Variants in HOMER1 observed in about 807,000 individuals in gnomAD.
The protein encoded by HOMER1 is homer scaffold protein 1.
A neutral mutation model predicts 48.9 loss-of-function variants in HOMER1; 3 were observed. That is an observed-to-expected ratio of 0.06 (90% CI 0.03 to 0.16). The LOEUF is 0.16. Ranked by LOEUF, HOMER1 falls within the 10% of genes least tolerant of loss-of-function variation. HOMER1 has a pLI of 1.00. For synonymous variants in HOMER1, 134 were observed against 146.4 expected (o/e 0.92, Z 0.61); for missense variants, 247 against 411.4 (o/e 0.60, Z 3.46).
intron 1 of HOMER1, chr5:79,510,623 G>A: frequency 2.2e-6 from 2 of 898,402 alleles, no homozygotes; most frequent in Non-Finnish European, 1.8e-6. Flanking sequence ...CAGTGCCAAG[G>A]CCATGAGTGC....
intron 5 of HOMER1, among the ~76,000 whole-genome samples, chr5:79,428,555 A>G (rs2112259681): frequency 6.6e-6 from 1 of 152,254 alleles, no homozygotes; most frequent in Non-Finnish European, 1.5e-5. Context: ...GGAACCCACT[A>G]AAAAATGATT....
chr5:79,468,140 GC>G (rs1357813194), intron 1 of HOMER1, among the ~76,000 whole-genome samples: 1 of 152,162 alleles, frequency 6.6e-6, no homozygotes, highest in Non-Finnish European at 1.5e-5. Context: ...CAGTATGGTA[GC>G]CACTAGCCAC....
chr5:79,505,321 G>A lies in HOMER1; in HGVS notation c.5+7449C>T, dbSNP rs543555540. Among the ~76,000 whole-genome samples the A allele has an allele frequency of 1.1e-3, 169 of 152,214 alleles. 2 individuals carry two copies. The highest frequency in any genetic ancestry group is 2.4e-4 in the Non-Finnish European group (16 of 68,014). On this transcript the variant is annotated intron_variant, in intron 1 of 8. Transcript: ENST00000334082. ...ACAAACCATTCTATGGAAAGGGGGG[G>A]AATCATGGACATTCTCCTCTACAGG...
chr5:79,509,129 A>G (rs1752862443), intron 1 of HOMER1, among the ~76,000 whole-genome samples: 1 of 152,202 alleles, frequency 6.6e-6, no homozygotes, highest in Admixed American at 6.5e-5. Flanking sequence ...ATCTTTCAGC[A>G]AAGAGACTCA....
rs114898822 is a variant in HOMER1 at position 79,471,152 on chromosome 5, T to C, written c.6-14134A>G. On this transcript the variant is annotated intron_variant, in intron 1 of 8. Coordinates refer to ENST00000334082, the MANE Select transcript of HOMER1 (RefSeq NM_004272.5). The stretch of plus-strand genomic sequence containing the variant: ...TCTGTATATCTGGAACATTCAATAA[T>C]ATATAATTTTAAAATAATAAAACAT... Among the ~76,000 whole-genome samples, 1,035 of 152,254 alleles carry C rather than the reference T, an allele frequency of 6.8e-3. 9 individuals are homozygous for C. The highest frequency in any genetic ancestry group is 0.024 in the African/African-American group (981 of 41,548).
chr5:79,416,866 A>G (rs1299462554), intron 5 of HOMER1, among the ~76,000 whole-genome samples: 1 of 152,210 alleles, frequency 6.6e-6, no homozygotes, highest in African/African-American at 2.4e-5. Context: ...TGTGGATACT[A>G]ACTTCTTGCT....
At chr5:79,493,504 A>G (rs1296661668) in intron 1 of HOMER1, among the ~76,000 whole-genome samples, 2 of 152,226 alleles carry the variant, frequency 1.3e-5, no homozygotes, top group South Asian at 2.1e-4. Flanking sequence ...CGCCTGACAC[A>G]TAACAGGTAA....
At chr5:79,484,624 T>G (rs187681995) in intron 1 of HOMER1, among the ~76,000 whole-genome samples, 1 of 152,164 alleles carries the variant, frequency 6.6e-6, no homozygotes, top group East Asian at 1.9e-4. Context: ...ACCTATATGA[T>G]GCTTATAAGA....
chr5:79,496,899 T>C (rs1322437231), intron 1 of HOMER1, among the ~76,000 whole-genome samples: 1 of 151,572 alleles, frequency 6.6e-6, no homozygotes, highest in Non-Finnish European at 1.5e-5. Flanking sequence ...ACCCCATCTC[T>C]ACTAAAAAAT....
chr5:79,378,000 CT>C (rs771640057), intron 8 of HOMER1, among the ~76,000 whole-genome samples: 45 of 152,032 alleles, frequency 3.0e-4, no homozygotes, highest in Non-Finnish European at 7.4e-5. Flanking sequence ...GCTGAATCAC[CT>C]GAGGTCAGGA....
intron 1 of HOMER1, among the ~76,000 whole-genome samples, chr5:79,503,331 G>A (rs151128947): frequency 0.013 from 1,838 of 145,624 alleles, 38 homozygotes; most frequent in African/African-American, 0.045. Context: ...TCAGGAGCTC[G>A]AGACCAGCCT....
At chr5:79,489,921 G>C (rs149929184) in intron 1 of HOMER1, among the ~76,000 whole-genome samples, 2 of 152,314 alleles carry the variant, frequency 1.3e-5, no homozygotes, top group East Asian at 3.9e-4. Flanking sequence ...GACTCATAGA[G>C]GGGACATATG....
chr5:79,405,327 A>T (rs1016813247), intron 5 of HOMER1, among the ~76,000 whole-genome samples: 1 of 152,182 alleles, frequency 6.6e-6, no homozygotes, highest in Non-Finnish European at 1.5e-5. Context: ...CAGAACTATG[A>T]GAAAATAGAT....
chr5:79,468,651 A>C (rs1033379173), intron 1 of HOMER1, among the ~76,000 whole-genome samples: 1 of 152,192 alleles, frequency 6.6e-6, no homozygotes, highest in African/African-American at 2.4e-5. Flanking sequence ...TCATTTTTGC[A>C]CTGTTACAAA....
chr5:79,479,061 C>CCT (rs1363828375), intron 1 of HOMER1, among the ~76,000 whole-genome samples: 4 of 152,166 alleles, frequency 2.6e-5, no homozygotes, highest in African/African-American at 9.7e-5. Context: ...GGTTTTTCTT[C>CCT]TGAATCATCA....
chr5:79,496,217 G>C (rs1752416882), intron 1 of HOMER1, among the ~76,000 whole-genome samples: 1 of 152,116 alleles, frequency 6.6e-6, no homozygotes. Context: ...CTGAAATGGA[G>C]GAACTGACTG....
intron 1 of HOMER1, among the ~76,000 whole-genome samples, chr5:79,462,267 G>A (rs1467958574): frequency 2.6e-5 from 4 of 152,206 alleles, no homozygotes; most frequent in East Asian, 1.9e-4. Context: ...CTATCTATTC[G>A]GTAACTTCTT....
At chr5:79,474,774 A>G (rs1440435980) in intron 1 of HOMER1, among the ~76,000 whole-genome samples, 1 of 152,100 alleles carries the variant, frequency 6.6e-6, no homozygotes, top group Admixed American at 6.6e-5. Context: ...CTCTGCAGAA[A>G]CTGAAAGGTT....
intron 3 of HOMER1, among the ~76,000 whole-genome samples, chr5:79,448,218 C>T (rs988467909): frequency 7.2e-5 from 11 of 152,138 alleles, no homozygotes; most frequent in Non-Finnish European, 1.5e-4. Context: ...TATCTCCAAA[C>T]AGTACAACAT....
Sources: gnomAD v4.1 joint callset for allele counts (sites outside exome capture counted in the v4.1 genomes callset) on GRCh38, gnomAD v4.1.1 for gene constraint, MANE v1.5 for transcripts, NCBI Gene and HGNC (gene_info 2026-07-23, HGNC 2026-07-21) for gene names.